The following MLLT6 variants were observed in gnomAD, a reference collection of about 807,000 sequenced individuals.
MLLT6 encodes protein AF-17.
Under a neutral mutation model 103.0 loss-of-function variants are expected in MLLT6, and 22 were observed. The observed-to-expected ratio is 0.21, with a 90% confidence interval of 0.15 to 0.31. The LOEUF is 0.31. Among genes scored for constraint, MLLT6 ranks in the 10% least tolerant of loss-of-function variants. MLLT6 has a pLI of 1.00. For synonymous variants in MLLT6, 606 were observed against 623.5 expected (o/e 0.97, Z 0.42); for missense variants, 1,199 against 1,441.7 (o/e 0.83, Z 2.73).
Position 38,720,470 on chromosome 17 carries a change from A to C in MLLT6, c.2254A>C (p.Ile752Leu). 1.2e-6 allele frequency: 2 copies of C among 1,612,950 alleles called. No homozygotes were observed. Among genetic ancestry groups the C allele is most frequent in the Non-Finnish European group, 1.7e-6 (2 of 1,179,946 alleles). The change falls in exon 15 of 20, where the codon ATT (isoleucine) becomes CTT (leucine). Residue 752 changes from isoleucine (I) to leucine (L), a missense_variant. Ile to Leu is a conservative substitution (Grantham distance 5). This residue lies in a region of MLLT6 where 1,034 missense variants were observed against 1,091.5 expected (regional missense o/e 0.95). Coordinates refer to ENST00000621332, the MANE Select transcript of MLLT6 (RefSeq NM_005937.4). ...SLTAKKERLQ[I>L]LNVQLSVPFP... ...GACGGCCAAAAAGGAGCGGCTGCAG[A>C]TTCTCAACGTGCAGCTCTCTGTGCC... is the stretch of plus-strand genomic sequence containing the variant.
Position 38,725,771 on chromosome 17 carries a change from G to A in MLLT6, c.*173G>A, listed in dbSNP as rs1905994050. 2 of 568,750 alleles carry A rather than the reference G, an allele frequency of 3.5e-6. No individual in the cohort carries two copies. The highest frequency in any genetic ancestry group is 6.7e-5 in the East Asian group (2 of 29,672). 35.2% of individuals were successfully genotyped at this position (568,750 alleles called of 1,614,324 possible). On this transcript the variant is annotated 3_prime_UTR_variant, in exon 20 of 20. Coordinates refer to ENST00000621332, the MANE Select transcript of MLLT6 (RefSeq NM_005937.4). ...TGGTGTCGAGGACTGAGACTGAGAGGGGAGCCCCCTCCATCTGGCCCCCTT... is the reference window on the plus strand; with the variant it reads ...TGGTGTCGAGGACTGAGACTGAGAGAGGAGCCCCCTCCATCTGGCCCCCTT...
rs1431601263 is a variant in MLLT6 at position 38,717,486 on chromosome 17, C to G, written c.1706C>G (p.Ala569Gly). ...PISHSGGMLR[A>G]VCSTPLSSSL... ...TCCCACAGTGGCGGGATGCTGCGGG[C>G]TGTCTGCAGCACCCCTCTCTCCTCC... The change falls in exon 11 of 20, where the codon GCT becomes GGT. Residue 569 changes from alanine to glycine, a missense_variant. Ala to Gly is a moderately conservative substitution (Grantham distance 60). This residue lies in a region of MLLT6 where 1,034 missense variants were observed against 1,091.5 expected (regional missense o/e 0.95). Coordinates refer to ENST00000621332, the MANE Select transcript of MLLT6 (RefSeq NM_005937.4). The G allele has an allele frequency of 1.9e-6, 3 of 1,612,396 alleles. No individual in the cohort carries two copies. The highest frequency in any genetic ancestry group is 2.5e-6 in the Non-Finnish European group (3 of 1,179,618).
At chr17:38,718,037 A>G in intron 12 of MLLT6, 84 bp downstream of exon 12, 1 of 980,020 alleles carries the variant, frequency 1.0e-6, no homozygotes, top group Admixed American at 2.0e-5. Context: ...AAAGAATGGG[A>G]GAGCTTTCTG....
At position 38,726,065 on chromosome 17, in the gene MLLT6, C is replaced by G. The variant is rs1906014250; in HGVS notation, c.*467C>G. ...CACTTTACCTGCAGTTTCTTCCCAG[C>G]TCGGGCAGATGGCAGAAGGGACCCC... is the stretch of plus-strand genomic sequence containing the variant. On this transcript the variant is annotated 3_prime_UTR_variant, in exon 20 of 20. Coordinates refer to ENST00000621332, the MANE Select transcript of MLLT6 (RefSeq NM_005937.4). 4.2e-6 allele frequency: 1 copy of G among 239,422 alleles called. No individual in the cohort carries two copies. Among genetic ancestry groups the G allele is most frequent in the African/African-American group, 2.2e-5 (1 of 45,506 alleles). The allele number at this position is 239,422 out of a possible 1,614,324, so 14.8% of individuals were successfully genotyped here.
At position 38,712,034 on chromosome 17, in the gene MLLT6, T is replaced by G; in HGVS notation, c.720+20T>G. 6.5e-7 allele frequency: 1 copy of G among 1,531,750 alleles called. No homozygotes were observed. The highest frequency in any genetic ancestry group is 8.8e-7 in the Non-Finnish European group (1 of 1,137,132). The allele number at this position is 1,531,750 out of a possible 1,614,324, so 94.9% of individuals were successfully genotyped here. On this transcript the variant is annotated intron_variant, in intron 7 of 19. Transcript: ENST00000621332. ...AAGAAGGTAGAAGTCCTCCCCCACC[T>G]GCCATCACTCCCACACGGGGACTTG... is the stretch of plus-strand genomic sequence containing the variant.
In MLLT6 at chr17:38,705,481, G is replaced by A. The variant is rs1904860274; in HGVS notation, c.-152G>A. ...GGAGGAGGAGGACGCGGAGGAGGAG[G>A]AAGGAGGAGGCAAAGAAAAGAAGCG... On this transcript the variant is annotated 5_prime_UTR_variant, in exon 1 of 20. Transcript: ENST00000621332. The A allele has an allele frequency of 2.1e-6, 1 of 472,930 alleles. No individual in the cohort carries two copies. The highest frequency in any genetic ancestry group is 3.8e-6 in the Non-Finnish European group (1 of 263,686). The allele number at this position is 472,930 out of a possible 1,614,324, so 29.3% of individuals were successfully genotyped here. A position where few individuals can be genotyped will look rare whatever the true frequency, so the allele number is the denominator to read the frequency against.
chr17:38,729,187 A>G lies in MLLT6; in HGVS notation c.*3589A>G. The G allele has an allele frequency of 4.3e-6, 1 of 233,340 alleles. No individual in the cohort carries two copies. Among genetic ancestry groups the G allele is most frequent in the East Asian group, 6.0e-5 (1 of 16,594 alleles). The allele number at this position is 233,340 out of a possible 1,614,324, so 14.5% of individuals were successfully genotyped here. ...GCACAGGCTCCCCCTGCCAGCTTCT[A>G]GGATCTTCCTTGGTGTGCAATGGGC... On this transcript the variant is annotated 3_prime_UTR_variant, in exon 20 of 20. Transcript: ENST00000621332.
chr17:38,715,218 C>CCGTA, intron 8 of MLLT6: 1 of 173,156 alleles, frequency 5.8e-6, no homozygotes, highest in South Asian at 1.6e-4. Flanking sequence ...CCTGTGGGTC[C>CCGTA]TCTTCTCTGC....
In MLLT6 at chr17:38,720,355, C is replaced by T. The variant is rs146124928; in HGVS notation, c.2156-17C>T. Reference sequence around the variant, plus strand: ...CGCCCCCTCGCCCCTCCCTCAGGTTCCTCGCTCTCTCCGCAGTCGTGGAGA... The same window carrying T: ...CGCCCCCTCGCCCCTCCCTCAGGTTTCTCGCTCTCTCCGCAGTCGTGGAGA... On this transcript the variant is annotated splice_polypyrimidine_tract_variant and intron_variant, in intron 14 of 19. Coordinates refer to ENST00000621332, the MANE Select transcript of MLLT6 (RefSeq NM_005937.4). 8.6e-4 allele frequency: 943 copies of T among 1,090,418 alleles called. 22 individuals are homozygous for T. The East Asian group carries it at 0.045, about 52-fold the overall frequency. 67.5% of individuals were successfully genotyped at this position (1,090,418 alleles called of 1,614,324 possible). A position where few individuals can be genotyped will look rare whatever the true frequency, so the allele number is the denominator to read the frequency against.
rs1905380994 is a variant in MLLT6, at chr17:38,717,048, A to G, written c.1651+67A>G. 6.3e-6 allele frequency: 10 copies of G among 1,585,258 alleles called. No homozygotes were observed. The South Asian group carries it at 1.1e-4, about 18-fold the overall frequency. On this transcript the variant is annotated intron_variant, in intron 10 of 19. Transcript: ENST00000621332. ...CAGTCTAGTGAGGAACAGAGCTTACACATGCACTTAGAAGGAAATGGGATG... is the reference window on the plus strand; with the variant it reads ...CAGTCTAGTGAGGAACAGAGCTTACGCATGCACTTAGAAGGAAATGGGATG...
chr17:38,717,393 A>G (rs761076254), intron 10 of MLLT6, 39 bp from the exon 11 acceptor site: 3 of 1,507,218 alleles, frequency 2.0e-6, no homozygotes, highest in South Asian at 2.5e-5. Flanking sequence ...TCTGGGGTGG[A>G]GAGTAACCAC....
chr17:38,716,873 T>G lies in MLLT6; in HGVS notation c.1543T>G (p.Ser515Ala). Residue 515 changes from serine to alanine, a missense_variant, in exon 10 of 20, where the codon TCT (serine) becomes GCT (alanine). By Grantham distance (99) the Ser-to-Ala change is moderately conservative (BLOSUM62 1). Transcript: ENST00000621332. This position sits in a 1 kb window ranked among gnomAD's most constrained non-coding sequence, Gnocchi z 5.6. ...GFTATAASPF[S>A]GGSLVSSGLG... ...TACCGCCACTGCTGCCTCACCCTTC[T>G]CTGGAGGTTCCCTGGTCAGCTCCGG... 6.2e-7 allele frequency: 1 copy of G among 1,613,688 alleles called. No homozygotes were observed. Among genetic ancestry groups the G allele is most frequent in the African/African-American group, 1.3e-5 (1 of 75,026 alleles).
At chr17:38,713,949 C>A (rs1371166202) in intron 8 of MLLT6, 3 of 152,258 alleles carry the variant, frequency 2.0e-5, no homozygotes, top group Non-Finnish European at 4.4e-5. Context: ...TCTGGTCCAG[C>A]CTGCATTCAG....
In MLLT6 at chr17:38,725,892, C is replaced by T. The variant is rs1906001874; in HGVS notation, c.*294C>T. ...CCCCAGCAAATGTTTTGGAGGTCCC[C>T]CCAGAGAGCAGAGTGGGCCATGGCA... On this transcript the variant is annotated 3_prime_UTR_variant, in exon 20 of 20. Transcript: ENST00000621332. 2.3e-6 allele frequency: 1 copy of T among 444,216 alleles called. No individual in the cohort carries two copies. Among genetic ancestry groups the T allele is most frequent in the Non-Finnish European group, 3.9e-6 (1 of 253,598 alleles). 27.5% of individuals were successfully genotyped at this position (444,216 alleles called of 1,614,324 possible).
At chr17:38,725,447 GC>G (rs1905974066) in intron 19 of MLLT6, 109 bp from the exon 20 acceptor site, 5 of 981,428 alleles carry the variant, frequency 5.1e-6, no homozygotes, top group Non-Finnish European at 7.7e-6. Context: ...GCTTCCATTG[GC>G]CCCGTTTCAG....
intron 8 of MLLT6, 105 bp downstream of exon 8, chr17:38,712,894 C>CT: frequency 1.2e-6 from 1 of 807,410 alleles, no homozygotes; most frequent in Non-Finnish European, 2.2e-6. Flanking sequence ...GCACCCTCCC[C>CT]ACAGCTTCAA....
intron 19 of MLLT6, 87 bp from the exon 20 acceptor site, chr17:38,725,470 A>G: frequency 8.0e-7 from 1 of 1,250,456 alleles, no homozygotes; most frequent in Non-Finnish European, 1.1e-6. Flanking sequence ...ACCCCACAGC[A>G]GCTTTCTTGG....
chr17:38,718,057 T>A, intron 12 of MLLT6, 104 bp downstream of exon 12: 1 of 801,378 alleles, frequency 1.2e-6, no homozygotes, highest in Non-Finnish European at 2.1e-6. Context: ...GGCTGCCCCC[T>A]CCCTCTGGCC....
At chr17:38,717,368 C>G (rs986527239) in intron 10 of MLLT6, 64 bp from the exon 11 acceptor site, 2 of 1,365,828 alleles carry the variant, frequency 1.5e-6, no homozygotes, top group South Asian at 1.4e-5. Flanking sequence ...TGTCAGCCAC[C>G]TGGCTGAGCA....
Sources: allele counts gnomAD v4.1 joint callset, GRCh38; gene constraint gnomAD v4.1.1; regional missense constraint gnomAD v4.1.1; non-coding constraint Gnocchi (gnomAD v3.1); transcripts MANE v1.5; gene names NCBI Gene and HGNC (gene_info 2026-07-23, HGNC 2026-07-21).